SAMD8: variants seen among roughly 807,000 people sequenced by gnomAD.
SAMD8 encodes sterile alpha motif domain containing 8.
In SAMD8, 20 loss-of-function variants were observed where a neutral mutation model predicts 42.0. The observed-to-expected ratio is 0.48, with a 90% confidence interval of 0.34 to 0.69. SAMD8 has a LOEUF of 0.69. Ranked by LOEUF, SAMD8 falls within the 30% of genes least tolerant of loss-of-function variation. SAMD8 has a pLI of 0.01. For missense variants in SAMD8, 328 were observed against 511.6 expected (o/e 0.64, Z 3.46); for synonymous variants, 162 against 173.0 (o/e 0.94, Z 0.50).
Position 75,176,879 on chromosome 10 carries a change from A to G in SAMD8, c.*187A>G. ...AACAATCAAGAGTCCTTATGTAGCT[A>G]TTTGAACAGAAAGCTTAAGTAGATG... On this transcript the variant is annotated 3_prime_UTR_variant, in exon 6 of 6. Transcript: ENST00000542569. The surrounding 1 kb of genome is among the most constrained non-coding windows in gnomAD (Gnocchi z 4.3). 1.8e-6 allele frequency: 1 copy of G among 544,724 alleles called. No individual in the cohort carries two copies. Among genetic ancestry groups the G allele is most frequent in the Non-Finnish European group, 3.2e-6 (1 of 313,016 alleles). The allele number at this position is 544,724 out of a possible 1,614,324, so 33.7% of individuals were successfully genotyped here. A position where few individuals can be genotyped will look rare whatever the true frequency, so the allele number is the denominator to read the frequency against.
At chr10:75,131,380 A>C (rs1849270702) in intron 1 of SAMD8, among the ~76,000 whole-genome samples, 1 of 152,210 alleles carries the variant, frequency 6.6e-6, no homozygotes, top group Non-Finnish European at 1.5e-5. Flanking sequence ...ATTACTACAT[A>C]ATACAGTTGA....
intron 1 of SAMD8, chr10:75,105,840 G>A (rs879759876): frequency 2.2e-5 from 34 of 1,550,410 alleles, no homozygotes; most frequent in Non-Finnish European, 2.8e-5. Context: ...AGCGGCTCAC[G>A]CCCACCACAC....
rs567647639 is a variant in SAMD8 at position 75,136,353 on chromosome 10, G to C, written c.-15-14161G>C. On this transcript the variant is annotated intron_variant, in intron 1 of 5. Coordinates refer to ENST00000542569, the MANE Select transcript of SAMD8 (RefSeq NM_001174156.2). Reference sequence around the variant, plus strand: ...GTCATTCATTCCAAAGAATGCAAAAGTACATATAGTTAATGAGAAGAGAGC... The same window carrying C: ...GTCATTCATTCCAAAGAATGCAAAACTACATATAGTTAATGAGAAGAGAGC... Among the ~76,000 whole-genome samples the C allele has an allele frequency of 1.6e-4, 24 of 152,254 alleles. 1 individual carries two copies. The South Asian group carries it at 4.8e-3, about 30-fold the overall frequency.
At position 75,181,915 on chromosome 10, in the gene SAMD8, A is replaced by G. The variant is rs1841086719; in HGVS notation, c.*5223A>G. 1.3e-5 allele frequency: 2 copies of G among 152,212 alleles called. No individual in the cohort carries two copies. Among genetic ancestry groups the G allele is most frequent in the South Asian group, 4.1e-4 (2 of 4,836 alleles). The allele number at this position is 152,212 out of a possible 1,614,324, so 9.4% of individuals were successfully genotyped here. On this transcript the variant is annotated 3_prime_UTR_variant, in exon 6 of 6. Transcript: ENST00000542569. ...GGACATGTTTTGTTTTGTGAATTCT[A>G]CCTAAATGTCTCTCTATCCACAGAG...
chr10:75,103,913 T>C, intron 1 of SAMD8: 1 of 1,313,068 alleles, frequency 7.6e-7, no homozygotes, highest in Non-Finnish European at 1.0e-6. Context: ...CTGAAGACAG[T>C]GGCTGAGAGG....
At chr10:75,169,459 G>T (rs1840791075) in intron 4 of SAMD8, among the ~76,000 whole-genome samples, 1 of 150,308 alleles carries the variant, frequency 6.7e-6, no homozygotes, top group Non-Finnish European at 1.5e-5. Flanking sequence ...TCTAGCCTGG[G>T]CAACAGAGCA....
chr10:75,100,392 T>C (rs556804587), intron 1 of SAMD8, among the ~76,000 whole-genome samples: 1 of 152,172 alleles, frequency 6.6e-6, no homozygotes, highest in South Asian at 2.1e-4. Flanking sequence ...ACCCAGCCCA[T>C]CCCATCAGTC....
intron 1 of SAMD8, chr10:75,105,786 C>T: frequency 6.4e-7 from 1 of 1,551,148 alleles, no homozygotes; most frequent in Non-Finnish European, 8.7e-7. Flanking sequence ...GGCGCAGGGA[C>T]AGCCGCTGGT....
At chr10:75,104,929 T>C (rs1359704548) in intron 1 of SAMD8, among the ~76,000 whole-genome samples, 1 of 150,960 alleles carries the variant, frequency 6.6e-6, no homozygotes, top group Non-Finnish European at 1.5e-5. Flanking sequence ...CCCTGGGAGG[T>C]TTCTGGGAGG....
intron 1 of SAMD8, among the ~76,000 whole-genome samples, chr10:75,134,284 C>T (rs1261153537): frequency 6.6e-6 from 1 of 152,108 alleles, no homozygotes; most frequent in Non-Finnish European, 1.5e-5. Context: ...ACCACCATGG[C>T]ACACGTTTAC....
chr10:75,158,573 C>A (rs368888670), intron 2 of SAMD8, among the ~76,000 whole-genome samples: 2 of 152,082 alleles, frequency 1.3e-5, no homozygotes, highest in African/African-American at 2.4e-5. Flanking sequence ...GCCTGGGTGA[C>A]AGAGCGAGAC....
At chr10:75,162,822 G>A (rs1188021065) in intron 2 of SAMD8, among the ~76,000 whole-genome samples, 2 of 152,070 alleles carry the variant, frequency 1.3e-5, no homozygotes, top group African/African-American at 4.8e-5. Context: ...TTGGGGATGA[G>A]TTAGTAATAA....
In SAMD8 at chr10:75,176,265, T is replaced by C. The variant is rs1840989125; in HGVS notation, c.943+49T>C. ...ATGCGTATTAGGTAACTAGCTGCAG[T>C]GAAGGCTGTGGGAAGGGTGTCAGAT... On this transcript the variant is annotated intron_variant, in intron 5 of 5. Transcript: ENST00000542569. This position sits in a 1 kb window ranked among gnomAD's most constrained non-coding sequence, Gnocchi z 4.3. 1.9e-6 allele frequency: 3 copies of C among 1,613,758 alleles called. No homozygotes were observed. The highest frequency in any genetic ancestry group is 1.7e-6 in the Non-Finnish European group (2 of 1,179,770).
At chr10:75,101,839 C>T (rs75799656) in intron 1 of SAMD8, 2 of 1,354,506 alleles carry the variant, frequency 1.5e-6, no homozygotes, top group South Asian at 1.1e-5. Context: ...CACATCCTAC[C>T]CCCCCCAAAT....
chr10:75,101,841 C>A lies in SAMD8; in HGVS notation c.-16+2113C>A, dbSNP rs113478061. On this transcript the variant is annotated intron_variant, in intron 1 of 3. Transcript: ENST00000447533. ...CATGCTCAGGGACCACATCCTACCC[C>A]CCCCAAATTAGGAGCACTCACCCAC... 0.016 allele frequency: 21,364 copies of A among 1,358,702 alleles called. 236 individuals are homozygous for A. Among genetic ancestry groups the A allele is most frequent in the Non-Finnish European group, 0.018 (18,259 of 1,015,368 alleles). The allele number at this position is 1,358,702 out of a possible 1,614,324, so 84.2% of individuals were successfully genotyped here.
In SAMD8 at chr10:75,176,893, C is replaced by T. The variant is rs1841002230; in HGVS notation, c.*201C>T. 1.9e-6 allele frequency: 1 copy of T among 514,566 alleles called. No homozygotes were observed. The highest frequency in any genetic ancestry group is 3.4e-6 in the Non-Finnish European group (1 of 295,024). The allele number at this position is 514,566 out of a possible 1,614,324, so 31.9% of individuals were successfully genotyped here. A position where few individuals can be genotyped will look rare whatever the true frequency, so the allele number is the denominator to read the frequency against. On this transcript the variant is annotated 3_prime_UTR_variant, in exon 6 of 6. Transcript: ENST00000542569. This position sits in a 1 kb window ranked among gnomAD's most constrained non-coding sequence, Gnocchi z 4.3. ...CTTATGTAGCTATTTGAACAGAAAG[C>T]TTAAGTAGATGTTTTCTGCCCCTTC...
At chr10:75,160,220 A>G (rs1334324099) in intron 2 of SAMD8, among the ~76,000 whole-genome samples, 5 of 152,034 alleles carry the variant, frequency 3.3e-5, no homozygotes, top group African/African-American at 1.2e-4. Flanking sequence ...TTTTTGAGAC[A>G]GAGTCTTGCT....
upstream of SAMD8, among the ~76,000 whole-genome samples, chr10:75,109,818 T>TTTTTTTTTTG (rs1554856163): frequency 1.2e-4 from 18 of 150,200 alleles, no homozygotes; most frequent in Middle Eastern, 3.4e-3. Flanking sequence ...AAGGTGTTTT[T>TTTTTTTTTTG]TTTTGTTTTG....
chr10:75,116,507 CAG>C (rs1407325167), intron 1 of SAMD8, among the ~76,000 whole-genome samples: 1 of 152,180 alleles, frequency 6.6e-6, no homozygotes, highest in South Asian at 2.1e-4. Context: ...AAATTTTTGA[CAG>C]ATAAATTCTA....
Sources: allele counts gnomAD v4.1 joint callset (sites outside exome capture counted in the v4.1 genomes callset), GRCh38; gene constraint gnomAD v4.1.1; non-coding constraint Gnocchi (gnomAD v3.1); transcripts MANE v1.5; gene names NCBI Gene and HGNC (gene_info 2026-07-23, HGNC 2026-07-21).